The following SLC25A29 variants were observed in gnomAD, a reference collection of about 807,000 sequenced individuals.
The protein encoded by SLC25A29 is solute carrier family 25 member 29, also known as mitochondrial basic amino acids transporter.
Under a neutral mutation model 10.0 loss-of-function variants are expected in SLC25A29, and 13 were observed. That is an observed-to-expected ratio of 1.30 (90% CI 0.85 to 2.07). SLC25A29 has a LOEUF of 2.07. SLC25A29 is among the 30% of genes most tolerant of loss of function. The pLI, the probability that SLC25A29 is intolerant of heterozygous loss-of-function variation, is 0.00. For missense variants in SLC25A29, 475 were observed against 447.6 expected, an observed-to-expected ratio of 1.06 and a Z score of -0.55; for synonymous variants, 244 against 221.1, an observed-to-expected ratio of 1.10 and a Z score of -0.92.
chr14:100,285,244 C>G, the SLC25A29 span, among the ~76,000 whole-genome samples: 1 of 152,060 alleles, frequency 6.6e-6, no homozygotes. Flanking sequence ...GCGGGCAGCC[C>G]TGCCCGCCCC....
chr14:100,278,803 T>A, the SLC25A29 span: 1 of 152,224 alleles, frequency 6.6e-6, no homozygotes, highest in East Asian at 1.9e-4. Flanking sequence ...GCTGAGCGCC[T>A]GCGCAGGGTA....
chr14:100,291,204 C>T lies in SLC25A29; in HGVS notation c.*1079G>A, dbSNP rs1203241499. ...AGCCCAGTGTCGTCTTCACTGAGCA[C>T]ATTCCCCAGGACGCCTGGTGCAGCC... is the stretch of plus-strand genomic sequence containing the variant. On this transcript the variant is annotated 3_prime_UTR_variant, in exon 4 of 4. Transcript: ENST00000359232. 1 of 152,310 alleles carries T rather than the reference C, an allele frequency of 6.6e-6. No homozygotes were observed. The highest frequency in any genetic ancestry group is 1.5e-5 in the Non-Finnish European group (1 of 68,084). 9.4% of individuals were successfully genotyped at this position (152,310 alleles called of 1,614,324 possible). A position where few individuals can be genotyped will look rare whatever the true frequency, so the allele number is the denominator to read the frequency against.
At chr14:100,283,141 G>T in the SLC25A29 span, among the ~76,000 whole-genome samples, 1 of 152,246 alleles carries the variant, frequency 6.6e-6, no homozygotes, top group African/African-American at 2.4e-5. Context: ...AACTGGGATG[G>T]ACTCGGAAGA....
chr14:100,299,038 C>T (rs561715602), intron 1 of SLC25A29, 153 bp from the exon 2 acceptor site: 1 of 1,456,462 alleles, frequency 6.9e-7, no homozygotes, highest in African/African-American at 1.4e-5. Context: ...AGGCAGATCC[C>T]ATGAGCCCCT....
chr14:100,283,090 C>T, the SLC25A29 span, among the ~76,000 whole-genome samples: 13 of 152,332 alleles, frequency 8.5e-5, no homozygotes, highest in African/African-American at 1.9e-4. Context: ...CCCACGCAGC[C>T]GGACCTATGA....
At chr14:100,280,515 C>T in the SLC25A29 span, 1 of 152,052 alleles carries the variant, frequency 6.6e-6, no homozygotes, top group Non-Finnish European at 1.5e-5. Context: ...CATTTATTTT[C>T]CAAGATGACC....
intron 2 of SLC25A29, among the ~76,000 whole-genome samples, chr14:100,297,140 T>C (rs927660275): frequency 2.0e-5 from 3 of 152,204 alleles, no homozygotes; most frequent in Admixed American, 6.5e-5. Context: ...AAGGTAGGTA[T>C]GTCCAGATGT....
At chr14:100,280,371 A>G in the SLC25A29 span, 1 of 151,960 alleles carries the variant, frequency 6.6e-6, no homozygotes, top group Non-Finnish European at 1.5e-5. Context: ...TAATATAAAA[A>G]CTCCAGAGGA....
chr14:100,281,100 A>T, the SLC25A29 span: 1 of 148,446 alleles, frequency 6.7e-6, no homozygotes, highest in Admixed American at 6.7e-5. Flanking sequence ...AAACCTGACA[A>T]TTCTACCCAC....
intron 2 of SLC25A29, among the ~76,000 whole-genome samples, chr14:100,297,411 C>T (rs1892241604): frequency 6.6e-6 from 1 of 152,120 alleles, no homozygotes; most frequent in Admixed American, 6.5e-5. Flanking sequence ...GGCAGAAGCC[C>T]AGCAGGTCTG....
downstream of SLC25A29, among the ~76,000 whole-genome samples, chr14:100,287,829 C>T (rs753112365): frequency 3.3e-5 from 5 of 152,146 alleles, no homozygotes; most frequent in East Asian, 1.9e-4. Context: ...CTCTGCATGG[C>T]GGCTGGTGGT....
chr14:100,304,029 A>T (rs1176497928), intron 1 of SLC25A29, among the ~76,000 whole-genome samples: 3 of 152,144 alleles, frequency 2.0e-5, no homozygotes, highest in Non-Finnish European at 4.4e-5. Flanking sequence ...CAAGGCCTCA[A>T]GGATGCTGTC....
At chr14:100,305,441 T>A (rs1421295305) in intron 1 of SLC25A29, 1 of 123,864 alleles carries the variant, frequency 8.1e-6, no homozygotes, top group Non-Finnish European at 1.7e-5. Flanking sequence ...AAATTAACCC[T>A]CAAGGTAAAA....
the SLC25A29 span, among the ~76,000 whole-genome samples, chr14:100,284,435 C>G: frequency 1.3e-5 from 2 of 152,206 alleles, no homozygotes; most frequent in African/African-American, 2.4e-5. Context: ...CACGGCCTTT[C>G]TGCTAACAGG....
downstream of SLC25A29, among the ~76,000 whole-genome samples, chr14:100,290,849 CCTCT>C (rs987917333): frequency 6.6e-6 from 1 of 152,202 alleles, no homozygotes; most frequent in South Asian, 2.1e-4. Context: ...TCACCACAGG[CCTCT>C]CTCTCTCATT....
chr14:100,289,525 T>C (rs73353543), downstream of SLC25A29, among the ~76,000 whole-genome samples: 2,776 of 152,166 alleles, frequency 0.018, 68 homozygotes, highest in African/African-American at 0.063. Flanking sequence ...TTTTAGCACT[T>C]CATATATCAC....
rs143951276 is a variant in SLC25A29, at chr14:100,300,008, C to T, written c.35-1123G>A. 1.3e-3 allele frequency: 1,273 copies of T among 982,386 alleles called. 13 individuals carry two copies. The African/African-American group carries it at 0.017, about 13-fold the overall frequency. 60.9% of individuals were successfully genotyped at this position (982,386 alleles called of 1,614,324 possible). ...GGACCTGGCCAGGTGTGGTGGCTCA[C>T]GCCTGTAATCCCAGCACTTTGGGAG... is the stretch of plus-strand genomic sequence containing the variant. On this transcript the variant is annotated intron_variant, in intron 1 of 3. Transcript: ENST00000359232.
chr14:100,305,676 G>A (rs1246236011), intron 1 of SLC25A29: 2 of 149,742 alleles, frequency 1.3e-5, no homozygotes, highest in Non-Finnish European at 3.0e-5. Flanking sequence ...GCGTAGGAAG[G>A]GGCGGCGTTC....
At chr14:100,299,769 T>C (rs1892418352) in intron 1 of SLC25A29, 1 of 985,292 alleles carries the variant, frequency 1.0e-6, no homozygotes, top group African/African-American at 1.7e-5. Flanking sequence ...CCCATGCTCC[T>C]CTCCCTGGAG....
Sources: allele counts gnomAD v4.1 joint callset (sites outside exome capture counted in the v4.1 genomes callset), GRCh38; gene constraint gnomAD v4.1.1; transcripts MANE v1.5; gene names NCBI Gene and HGNC (gene_info 2026-07-23, HGNC 2026-07-21).